NPTN: variants seen among roughly 807,000 people sequenced by gnomAD.
NPTN encodes the protein SDR-1.
NPTN carries 5 observed loss-of-function variants against 42.7 expected under a neutral mutation model. The ratio of observed to expected loss-of-function variants is 0.12; its 90% CI spans 0.06 to 0.25. NPTN has a LOEUF of 0.25. Ranked by LOEUF, NPTN falls within the 10% of genes least tolerant of loss-of-function variation. The pLI, the probability that NPTN is intolerant of heterozygous loss-of-function variation, is 1.00. For missense variants in NPTN, 307 were observed against 525.4 expected (o/e 0.58, Z 4.06); for synonymous variants, 180 against 201.9 (o/e 0.89, Z 0.92).
chr15:73,602,411 T>C (rs1307415672), intron 1 of NPTN, among the ~76,000 whole-genome samples: 1 of 152,136 alleles, frequency 6.6e-6, no homozygotes, highest in African/African-American at 2.4e-5. Context: ...CCTCTGTCTC[T>C]CTCACACACA....
chr15:73,608,290 T>C (rs955938688), intron 1 of NPTN, among the ~76,000 whole-genome samples: 1 of 152,174 alleles, frequency 6.6e-6, no homozygotes, highest in Non-Finnish European at 1.5e-5. Flanking sequence ...ACAATACCAC[T>C]GACAACAGCA....
rs1301892222 is a variant in NPTN, at chr15:73,633,240, C to T, written c.-25G>A. 2.0e-6 allele frequency: 3 copies of T among 1,477,374 alleles called. No individual in the cohort carries two copies. The African/African-American group carries it at 4.4e-5, about 22-fold the overall frequency. 91.5% of individuals were successfully genotyped at this position (1,477,374 alleles called of 1,614,324 possible). ...TCCTCCCTAGCAGAAGACCCAACAG[C>T]GAATGGGCCGGGGCCAGAGCCGGGG... On this transcript the variant is annotated 5_prime_UTR_variant, in exon 1 of 9. Coordinates refer to ENST00000345330, the MANE Select transcript of NPTN (RefSeq NM_012428.4).
At chr15:73,579,792 T>C (rs992073021) in intron 4 of NPTN, among the ~76,000 whole-genome samples, 2 of 152,062 alleles carry the variant, frequency 1.3e-5, no homozygotes, top group Non-Finnish European at 2.9e-5. Flanking sequence ...CCAAGAGCCA[T>C]GTGAGTGAGC....
chr15:73,598,125 G>C (rs1377232796), intron 1 of NPTN, among the ~76,000 whole-genome samples: 1 of 152,168 alleles, frequency 6.6e-6, no homozygotes, highest in Non-Finnish European at 1.5e-5. Context: ...TTAATACTTT[G>C]TGGGTCAGCT....
rs147912287 is a variant in NPTN at position 73,562,268 on chromosome 15, C to T, written c.1137-298G>A. ...ATCTGAAAATCCAAAATTCAAAATG[C>T]TCCAATGAGCATTTCCTTTGAGCCT... On this transcript the variant is annotated intron_variant, in intron 7 of 8. Transcript: ENST00000345330. 3.5e-3 allele frequency among the ~76,000 whole-genome samples: 528 copies of T among 152,254 alleles called. 2 individuals are homozygous for T. The highest frequency in any genetic ancestry group is 0.012 in the African/African-American group (478 of 41,552).
At chr15:73,578,411 G>A (rs1895809786) in intron 4 of NPTN, among the ~76,000 whole-genome samples, 1 of 152,118 alleles carries the variant, frequency 6.6e-6, no homozygotes, top group Non-Finnish European at 1.5e-5. Context: ...GAGAAATGGT[G>A]AGATTCCAGG....
At chr15:73,592,254 C>A (rs967003796) in intron 2 of NPTN, 117 bp from the exon 3 acceptor site, 10 of 755,138 alleles carry the variant, frequency 1.3e-5, no homozygotes, top group Admixed American at 1.2e-4. Flanking sequence ...GCAGACAGGA[C>A]CACATGAGGA....
At chr15:73,630,213 T>G (rs1037420130) in intron 1 of NPTN, among the ~76,000 whole-genome samples, 6 of 152,220 alleles carry the variant, frequency 3.9e-5, no homozygotes, top group Non-Finnish European at 8.8e-5. Context: ...TTACAGATGA[T>G]GAACTGATGA....
In NPTN at chr15:73,570,813, T is replaced by C. The variant is rs1213780907; in HGVS notation, c.841-390A>G. Among the ~76,000 whole-genome samples the C allele has an allele frequency of 6.6e-6, 1 of 152,236 alleles. No individual in the cohort carries two copies. The highest frequency in any genetic ancestry group is 2.4e-5 in the African/African-American group (1 of 41,460). On this transcript the variant is annotated intron_variant, in intron 5 of 8. Coordinates refer to ENST00000345330, the MANE Select transcript of NPTN (RefSeq NM_012428.4). This position sits in a 1 kb window ranked among gnomAD's most constrained non-coding sequence, Gnocchi z 4.0. ...ATGCCTCGGGGACCTCAGGCCTCTC[T>C]GATGACCTCAGAGTCAGCACACTGA...
chr15:73,625,578 A>G (rs1484068630), intron 1 of NPTN, among the ~76,000 whole-genome samples: 2 of 152,088 alleles, frequency 1.3e-5, no homozygotes, highest in Non-Finnish European at 2.9e-5. Flanking sequence ...TGATCCGCCC[A>G]CCGCAGCCTC....
chr15:73,601,609 T>C (rs562698489), intron 1 of NPTN, among the ~76,000 whole-genome samples: 1 of 152,204 alleles, frequency 6.6e-6, no homozygotes, highest in Non-Finnish European at 1.5e-5. Context: ...AACAGAAGCA[T>C]CTGTTTGCTC....
Position 73,566,967 on chromosome 15 carries a change from G to A in NPTN, c.1114+3183C>T, listed in dbSNP as rs116423058. On this transcript the variant is annotated intron_variant, in intron 6 of 8. Coordinates refer to ENST00000345330, the MANE Select transcript of NPTN (RefSeq NM_012428.4). ...TGTTTTCATGTAGGAAATGGTCTGA[G>A]AATACTCCAGTAGGTAAAGAAAAAA... The A allele has an allele frequency of 1.3e-3, 1,247 of 933,312 alleles. 16 individuals are homozygous for A. The African/African-American group carries it at 0.022, about 16-fold the overall frequency. 57.8% of individuals were successfully genotyped at this position (933,312 alleles called of 1,614,324 possible).
intron 4 of NPTN, among the ~76,000 whole-genome samples, chr15:73,575,278 C>T (rs1040047708): frequency 1.3e-5 from 2 of 152,170 alleles, no homozygotes; most frequent in South Asian, 2.1e-4. Flanking sequence ...CCATCACGCC[C>T]GGCTAATTTT....
intron 3 of NPTN, among the ~76,000 whole-genome samples, chr15:73,589,110 C>A (rs996676975): frequency 6.6e-6 from 1 of 152,032 alleles, no homozygotes; most frequent in Non-Finnish European, 1.5e-5. Context: ...GGTGTGTGGA[C>A]TGCTTGAGCC....
chr15:73,574,002 G>A (rs1895550810), intron 4 of NPTN, among the ~76,000 whole-genome samples: 1 of 152,158 alleles, frequency 6.6e-6, no homozygotes, highest in Non-Finnish European at 1.5e-5. Context: ...AAGATGCCCA[G>A]GCAGATACCA....
At chr15:73,632,172 C>G (rs1200730978) in intron 1 of NPTN, among the ~76,000 whole-genome samples, 1 of 152,046 alleles carries the variant, frequency 6.6e-6, no homozygotes, top group Non-Finnish European at 1.5e-5. Flanking sequence ...CCCAACTCCT[C>G]CCTTCCCTAA....
intron 4 of NPTN, among the ~76,000 whole-genome samples, chr15:73,584,392 T>C (rs767045211): frequency 6.6e-6 from 1 of 151,792 alleles, no homozygotes; most frequent in Non-Finnish European, 1.5e-5. Flanking sequence ...GAGCACTTTT[T>C]AAAAAAAAAT....
intron 3 of NPTN, among the ~76,000 whole-genome samples, chr15:73,589,377 G>C (rs1896480417): frequency 6.6e-6 from 1 of 151,982 alleles, no homozygotes; most frequent in Admixed American, 6.6e-5. Context: ...GGCCAGAACA[G>C]CACTTCATTT....
Position 73,587,520 on chromosome 15 carries a change from G to A in NPTN, c.706+4C>T. The A allele has an allele frequency of 6.2e-7, 1 of 1,610,110 alleles. No individual in the cohort carries two copies. Among genetic ancestry groups the A allele is most frequent in the Non-Finnish European group, 8.5e-7 (1 of 1,176,582 alleles). ...CTCACACCACAGCCTCTGCTGGGTT[G>A]TACCTTTCACTTCAATGGTGGCGTT... On this transcript the variant is annotated splice_donor_region_variant and intron_variant, in intron 4 of 8. Transcript: ENST00000345330.
Sources: allele counts gnomAD v4.1 joint callset (sites outside exome capture counted in the v4.1 genomes callset), GRCh38; gene constraint gnomAD v4.1.1; non-coding constraint Gnocchi (gnomAD v3.1); transcripts MANE v1.5; gene names NCBI Gene and HGNC (gene_info 2026-07-23, HGNC 2026-07-21).